The following SLC24A3 variants were observed in gnomAD, a reference collection of about 807,000 sequenced individuals.
SLC24A3 encodes solute carrier family 24 member 3, also known as sodium/potassium/calcium exchanger 3.
Under a neutral mutation model 75.8 loss-of-function variants are expected in SLC24A3, and 28 were observed. That is an observed-to-expected ratio of 0.37 (90% CI 0.27 to 0.51). The LOEUF (loss-of-function observed/expected upper bound fraction) is 0.51. Among genes scored for constraint, SLC24A3 ranks in the 20% least tolerant of loss-of-function variants. The pLI, the probability that SLC24A3 is intolerant of heterozygous loss-of-function variation, is 0.94. For missense variants in SLC24A3, 663 were observed against 847.8 expected (o/e 0.78, Z 2.71); for synonymous variants, 372 against 334.1 (o/e 1.11, Z -1.24).
intron 2 of SLC24A3, among the ~76,000 whole-genome samples, chr20:19,427,478 C>T (rs1987029801): frequency 6.6e-6 from 1 of 152,158 alleles, no homozygotes; most frequent in African/African-American, 2.4e-5. Context: ...AGAAAGAAAT[C>T]GATTTTATGT....
chr20:19,503,389 A>C (rs893101965), intron 2 of SLC24A3, among the ~76,000 whole-genome samples: 2 of 152,228 alleles, frequency 1.3e-5, no homozygotes, highest in Non-Finnish European at 2.9e-5. Context: ...ATTCAGAGGC[A>C]AATGTTGTCC....
chr20:19,364,623 T>A (rs1228101438), intron 2 of SLC24A3, among the ~76,000 whole-genome samples: 1 of 151,974 alleles, frequency 6.6e-6, no homozygotes, highest in East Asian at 1.9e-4. Flanking sequence ...CCTGGTTAAT[T>A]TCTGTATTTT....
At chr20:19,521,271 A>C (rs2030093067) in intron 3 of SLC24A3, among the ~76,000 whole-genome samples, 1 of 151,614 alleles carries the variant, frequency 6.6e-6, no homozygotes, top group South Asian at 2.1e-4. Flanking sequence ...GGCACTGGTC[A>C]GTTTCCTAAT....
intron 1 of SLC24A3, among the ~76,000 whole-genome samples, chr20:19,245,072 A>C (rs1383597147): frequency 7.2e-5 from 11 of 152,124 alleles, no homozygotes; most frequent in Admixed American, 7.2e-4. Context: ...CTGTATGGTA[A>C]ATCCGCTTCT....
intron 6 of SLC24A3, among the ~76,000 whole-genome samples, chr20:19,644,117 A>G (rs1003673371): frequency 6.6e-6 from 1 of 152,152 alleles, no homozygotes; most frequent in African/African-American, 2.4e-5. Context: ...GCCCCAAACA[A>G]GTGGTGCTTC....
chr20:19,379,054 G>A (rs1986137355), intron 2 of SLC24A3, among the ~76,000 whole-genome samples: 1 of 152,078 alleles, frequency 6.6e-6, no homozygotes, highest in Admixed American at 6.6e-5. Context: ...GAGCAGATGA[G>A]GAATAATTGT....
chr20:19,507,280 G>T (rs1264433033), intron 2 of SLC24A3, among the ~76,000 whole-genome samples: 2 of 152,216 alleles, frequency 1.3e-5, no homozygotes, highest in African/African-American at 2.4e-5. Context: ...CTGGAGAAGA[G>T]AGAAAACAAC....
chr20:19,564,614 A>G (rs537629385), intron 3 of SLC24A3, among the ~76,000 whole-genome samples: 10 of 152,270 alleles, frequency 6.6e-5, no homozygotes, highest in African/African-American at 2.4e-4. Context: ...TTATACATCC[A>G]AGTAGCATGG....
At chr20:19,314,852 G>A (rs569676382) in intron 2 of SLC24A3, among the ~76,000 whole-genome samples, 2 of 152,342 alleles carry the variant, frequency 1.3e-5, no homozygotes, top group South Asian at 2.1e-4. Flanking sequence ...ATGAGTTACC[G>A]ACTGTGGGCA....
intron 3 of SLC24A3, among the ~76,000 whole-genome samples, chr20:19,532,206 G>A (rs748131131): frequency 1.1e-4 from 16 of 152,212 alleles, no homozygotes; most frequent in African/African-American, 3.9e-4. Flanking sequence ...ATGCAGCCAG[G>A]GGACCATGGA....
chr20:19,396,715 G>T (rs942550575), intron 2 of SLC24A3, among the ~76,000 whole-genome samples: 11 of 152,166 alleles, frequency 7.2e-5, no homozygotes, highest in Non-Finnish European at 1.2e-4. Context: ...CTGGCATTTA[G>T]GAAGGTTTAA....
chr20:19,307,863 G>C (rs1025676903), intron 2 of SLC24A3, among the ~76,000 whole-genome samples: 3 of 152,204 alleles, frequency 2.0e-5, no homozygotes, highest in Admixed American at 6.5e-5. Flanking sequence ...GGGAAACTGA[G>C]GAGTCCACCT....
At chr20:19,635,204 A>G (rs567780193) in intron 6 of SLC24A3, among the ~76,000 whole-genome samples, 6 of 152,372 alleles carry the variant, frequency 3.9e-5, no homozygotes, top group African/African-American at 1.4e-4. Context: ...ATCATTGCCC[A>G]GATACCAATA....
At chr20:19,313,186 G>A (rs572013893) in intron 2 of SLC24A3, among the ~76,000 whole-genome samples, 2 of 151,888 alleles carry the variant, frequency 1.3e-5, no homozygotes, top group East Asian at 1.9e-4. Flanking sequence ...ATAGGCACCC[G>A]CCAGCATGCC....
intron 2 of SLC24A3, among the ~76,000 whole-genome samples, chr20:19,346,381 ATGG>A (rs1985429403): frequency 7.2e-6 from 1 of 138,892 alleles, no homozygotes; most frequent in East Asian, 2.2e-4. Context: ...GTGTATATAT[ATGG>A]TATATATATG....
intron 2 of SLC24A3, among the ~76,000 whole-genome samples, chr20:19,488,890 G>A (rs4814861): frequency 0.33 from 50,156 of 151,994 alleles, 8,931 homozygotes; most frequent in East Asian, 0.51. Context: ...AAGTGTCACT[G>A]TCTCAGCCCA....
intron 2 of SLC24A3, among the ~76,000 whole-genome samples, chr20:19,461,751 T>C (rs1055050543): frequency 6.6e-6 from 1 of 152,080 alleles, no homozygotes; most frequent in Admixed American, 6.6e-5. Flanking sequence ...CAGGCTGGTC[T>C]CGAACTCCTG....
chr20:19,461,978 C>T lies in SLC24A3; in HGVS notation c.272-53510C>T, dbSNP rs75214531. Among the ~76,000 whole-genome samples, 1,399 of 152,272 alleles carry T rather than the reference C, an allele frequency of 9.2e-3. 15 individuals are homozygous for T. The highest frequency in any genetic ancestry group is 0.026 in the South Asian group (126 of 4,816). ...GGTTGGTCAAGGATTTGAATTCAGG[C>T]GTTCTGACTCCAGGGTCTTAAATCA... is the stretch of plus-strand genomic sequence containing the variant. On this transcript the variant is annotated intron_variant, in intron 2 of 16. Transcript: ENST00000328041.
intron 2 of SLC24A3, among the ~76,000 whole-genome samples, chr20:19,463,368 C>G (rs1249470863): frequency 6.6e-6 from 1 of 152,172 alleles, no homozygotes; most frequent in South Asian, 2.1e-4. Flanking sequence ...TCTCTCGATC[C>G]GTTAACATTT....
Sources: gnomAD v4.1 joint callset for allele counts (sites outside exome capture counted in the v4.1 genomes callset) on GRCh38, gnomAD v4.1.1 for gene constraint, MANE v1.5 for transcripts, NCBI Gene and HGNC (gene_info 2026-07-23, HGNC 2026-07-21) for gene names.